Variants in TNFRSF1B observed in about 807,000 individuals in gnomAD.
TNFRSF1B encodes the protein TNF receptor superfamily member 1B, also known as tumor necrosis factor receptor superfamily member 1B.
In TNFRSF1B, 19 loss-of-function variants were observed where a neutral mutation model predicts 44.6. That is an observed-to-expected ratio of 0.43 (90% CI 0.30 to 0.62). The LOEUF (loss-of-function observed/expected upper bound fraction) is 0.62. TNFRSF1B is among the 20% of genes least tolerant of loss of function. The pLI, the probability that TNFRSF1B is intolerant of heterozygous loss-of-function variation, is 0.16. For missense variants in TNFRSF1B, 541 were observed against 619.9 expected, an observed-to-expected ratio of 0.87 and a Z score of 1.35; for synonymous variants, 252 against 261.1, an observed-to-expected ratio of 0.97 and a Z score of 0.34.
intron 1 of TNFRSF1B, among the ~76,000 whole-genome samples, chr1:12,172,407 G>A (rs1439510879): frequency 6.6e-6 from 1 of 152,220 alleles, no homozygotes; most frequent in East Asian, 1.9e-4. Flanking sequence ...CTAGCCTCAC[G>A]GGCTGGCTGT....
At chr1:12,198,691 G>GTTTTTTT (rs60313758) in intron 8 of TNFRSF1B, among the ~76,000 whole-genome samples, 10 of 85,624 alleles carry the variant, frequency 1.2e-4, no homozygotes, top group Admixed American at 1.5e-4. Context: ...CTGGAATTCT[G>GTTTTTTT]TTTTTTTTTT....
At chr1:12,198,042 A>G (rs969606532) in intron 8 of TNFRSF1B, among the ~76,000 whole-genome samples, 1 of 151,378 alleles carries the variant, frequency 6.6e-6, no homozygotes, top group African/African-American at 2.4e-5. Context: ...GAATAGCGTG[A>G]ACCCGGGAGG....
In TNFRSF1B at chr1:12,199,962, G is replaced by C. The variant is rs747358101; in HGVS notation, c.901-2005G>C. ...GTGTGAGCGCCTGGCCAGCCAGTGG[G>C]AACAGACAACAGCCTGGGAGAGGAA... On this transcript the variant is annotated intron_variant, in intron 8 of 9. Transcript: ENST00000376259. This position sits in a 1 kb window ranked among gnomAD's most constrained non-coding sequence, Gnocchi z 4.0. Among the ~76,000 whole-genome samples, 275 of 152,318 alleles carry C rather than the reference G, an allele frequency of 1.8e-3. No homozygotes were observed. Among genetic ancestry groups the C allele is most frequent in the Non-Finnish European group, 2.9e-3 (196 of 68,046 alleles).
chr1:12,182,181 A>G (rs965995059), intron 1 of TNFRSF1B, among the ~76,000 whole-genome samples: 10 of 152,314 alleles, frequency 6.6e-5, no homozygotes, highest in South Asian at 4.1e-4. Context: ...CTTGGGAATA[A>G]CAATAGGACT....
chr1:12,204,586 A>T (rs529678949), intron 9 of TNFRSF1B, among the ~76,000 whole-genome samples: 6 of 152,178 alleles, frequency 3.9e-5, no homozygotes, highest in African/African-American at 1.4e-4. Context: ...CTTCATATTC[A>T]TCTCAGCAAA....
rs369047191 is a variant in TNFRSF1B at position 12,183,772 on chromosome 1, T to G, written c.79-5024T>G. On this transcript the variant is annotated intron_variant, in intron 1 of 9. Transcript: ENST00000376259. Reference sequence around the variant, plus strand: ...ATCTAGCTAGCTAGCTAGCTAGCTATCTATTCTATCTACCTACCTATCTAT... The same window carrying G: ...ATCTAGCTAGCTAGCTAGCTAGCTAGCTATTCTATCTACCTACCTATCTAT... Among the ~76,000 whole-genome samples, 162 of 120,118 alleles carry G rather than the reference T, an allele frequency of 1.3e-3. 7 individuals are homozygous for G. Among genetic ancestry groups the G allele is most frequent in the Middle Eastern group, 5.1e-3 (1 of 198 alleles). The allele number at this position is 120,118 out of a possible 152,430, so 78.8% of individuals were successfully genotyped here.
At chr1:12,200,990 C>T (rs1370566345) in intron 8 of TNFRSF1B, among the ~76,000 whole-genome samples, 2 of 151,996 alleles carry the variant, frequency 1.3e-5, no homozygotes, top group African/African-American at 4.8e-5. Context: ...TGGTGGTGCA[C>T]GCCTGGTATC....
rs907479646 is a variant in TNFRSF1B, at chr1:12,191,900, C to T, written c.434C>T (p.Pro145Leu). 2 of 1,609,230 alleles carry T rather than the reference C, an allele frequency of 1.2e-6. No homozygotes were observed. The highest frequency in any genetic ancestry group is 1.3e-5 in the African/African-American group (1 of 74,814). Residue 145 changes from proline (P) to leucine (L), a missense_variant, in exon 4 of 10, where the codon CCG becomes CTG. By Grantham distance (98) the Pro-to-Leu change is moderately conservative. Coordinates refer to ENST00000376259, the MANE Select transcript of TNFRSF1B (RefSeq NM_001066.3). ...RLCAPLRKCR[P>L]GFGVARPGTE... Reference sequence around the variant, plus strand: ...TGCGCGCCGCTGCGCAAGTGCCGCCCGGGCTTCGGCGTGGCCAGACCAGGT... The same window carrying T: ...TGCGCGCCGCTGCGCAAGTGCCGCCTGGGCTTCGGCGTGGCCAGACCAGGT...
intron 3 of TNFRSF1B, 176 bp from the exon 4 acceptor site, chr1:12,191,598 G>A (rs1639132183): frequency 4.2e-6 from 3 of 721,258 alleles, no homozygotes; most frequent in Non-Finnish European, 7.1e-6. Context: ...ACTGCGGAGA[G>A]TAGCAGGACT....
In TNFRSF1B at chr1:12,206,819, A is replaced by C. The variant is rs1350424924; in HGVS notation, c.1185A>C (p.Ser395=). Residue 395 remains serine (S), a synonymous_variant, in exon 10 of 10, where the codon TCA becomes TCC. Coordinates refer to ENST00000376259, the MANE Select transcript of TNFRSF1B (RefSeq NM_001066.3). ...TCTGTAGCAGCTCTGACCACAGCTC[A>C]CAGTGCTCCTCCCAAGCCAGCTCCA... ...VNVCSSSDHS[S]QCSSQASSTM... is the part of the protein sequence containing the mutation. 2.5e-6 allele frequency: 4 copies of C among 1,614,082 alleles called. No individual in the cohort carries two copies. Among genetic ancestry groups the C allele is most frequent in the Non-Finnish European group, 2.5e-6 (3 of 1,179,984 alleles).
chr1:12,203,266 C>T (rs989826387), intron 9 of TNFRSF1B, among the ~76,000 whole-genome samples: 6 of 152,194 alleles, frequency 3.9e-5, no homozygotes, highest in Admixed American at 6.5e-5. Flanking sequence ...TATAGCGCCT[C>T]CTTGCCAGGG....
At chr1:12,188,773 C>T in intron 1 of TNFRSF1B, 23 bp from the exon 2 acceptor site, 1 of 1,609,152 alleles carries the variant, frequency 6.2e-7, no homozygotes, top group Admixed American at 1.7e-5. Context: ...CTGTTGATGG[C>T]AGTCTTCCCT....
rs1057504327 is a variant in TNFRSF1B, at chr1:12,192,980, A to G, written c.669A>G (p.Arg223=). The change falls in exon 6 of 10, where the codon CGA becomes CGG. Residue 223 remains arginine (R), a synonymous_variant. Coordinates refer to ENST00000376259, the MANE Select transcript of TNFRSF1B (RefSeq NM_001066.3). The stretch of plus-strand genomic sequence containing the variant: ...ACTTACCCCAGCCAGTGTCCACACG[A>G]TCCCAACACACGCAGCCAACTCCAG... ...AVHLPQPVST[R]SQHTQPTPEP... is the part of the protein sequence containing the mutation. 1 of 1,614,026 alleles carries G rather than the reference A, an allele frequency of 6.2e-7. No individual in the cohort carries two copies. Among genetic ancestry groups the G allele is most frequent in the African/African-American group, 1.3e-5 (1 of 74,910 alleles).
At chr1:12,197,985 C>T (rs17881895) in intron 8 of TNFRSF1B, among the ~76,000 whole-genome samples, 1,686 of 152,142 alleles carry the variant, frequency 0.011, 16 homozygotes, top group Non-Finnish European at 0.019. Flanking sequence ...ATTAGCCGGG[C>T]GTGGTGGCGG....
intron 7 of TNFRSF1B, among the ~76,000 whole-genome samples, chr1:12,194,336 A>G (rs1459337508): frequency 1.3e-5 from 2 of 152,040 alleles, no homozygotes; most frequent in African/African-American, 2.4e-5. Context: ...TGATGGGTGG[A>G]GTCTGTGCAG....
intron 1 of TNFRSF1B, among the ~76,000 whole-genome samples, chr1:12,179,325 C>T (rs903417893): frequency 3.3e-5 from 5 of 152,178 alleles, no homozygotes; most frequent in East Asian, 1.9e-4. Flanking sequence ...CTGGCCCTGG[C>T]GTTGCTGTGA....
chr1:12,181,899 G>T (rs1376317880), intron 1 of TNFRSF1B, among the ~76,000 whole-genome samples: 1 of 152,218 alleles, frequency 6.6e-6, no homozygotes, highest in East Asian at 1.9e-4. Context: ...TCTGGTGAGG[G>T]ACTGAGCCTT....
chr1:12,203,410 G>T (rs1215517171), intron 9 of TNFRSF1B, among the ~76,000 whole-genome samples: 1 of 152,108 alleles, frequency 6.6e-6, no homozygotes, highest in Non-Finnish European at 1.5e-5. Context: ...CTCACCCCCA[G>T]CTGCTCCCCA....
intron 9 of TNFRSF1B, among the ~76,000 whole-genome samples, chr1:12,204,861 ACAG>A (rs1639468038): frequency 6.6e-6 from 1 of 152,174 alleles, no homozygotes; most frequent in South Asian, 2.1e-4. Context: ...CACTAGGAAC[ACAG>A]CAGGGAACAA....
Sources: allele counts gnomAD v4.1 joint callset (sites outside exome capture counted in the v4.1 genomes callset), GRCh38; gene constraint gnomAD v4.1.1; non-coding constraint Gnocchi (gnomAD v3.1); transcripts MANE v1.5; gene names NCBI Gene and HGNC (gene_info 2026-07-23, HGNC 2026-07-21).